SRSF6: variants seen among roughly 807,000 people sequenced by gnomAD.
The protein encoded by SRSF6 is serine/arginine-rich splicing factor 6.
Under a neutral mutation model 42.0 loss-of-function variants are expected in SRSF6, and 17 were observed. The ratio of observed to expected loss-of-function variants is 0.40; its 90% confidence interval spans 0.28 to 0.61. The LOEUF (loss-of-function observed/expected upper bound fraction) is 0.61. SRSF6 is among the 20% of genes least tolerant of loss of function. SRSF6 has a pLI of 0.37. For synonymous variants in SRSF6, 204 were observed against 166.7 expected, an observed-to-expected ratio of 1.22 and a Z score of -1.72; for missense variants, 379 against 471.4, an observed-to-expected ratio of 0.80 and a Z score of 1.81.
At chr20:43,458,653 C>CCCGGGGCAGCCATGGGACG in intron 2 of SRSF6, 144 bp downstream of exon 2, 1 of 862,482 alleles carries the variant, frequency 1.2e-6, no homozygotes, top group Non-Finnish European at 1.7e-6. Context: ...TTCACGTCTG[C>CCCGGGGCAGCCATGGGACG]CCGGGGCAGC....
In SRSF6 at chr20:43,461,099, C is replaced by T; in HGVS notation, c.*36C>T. On this transcript the variant is annotated 3_prime_UTR_variant, in exon 6 of 6. Coordinates refer to ENST00000244020, the MANE Select transcript of SRSF6 (RefSeq NM_006275.6). ...CTTGTTTGCACATTATTATGGAACA[C>T]TTTCCTACTTAGGCAGTTACTCTTC... 6.6e-7 allele frequency: 1 copy of T among 1,517,454 alleles called. No homozygotes were observed. The highest frequency in any genetic ancestry group is 8.8e-7 in the Non-Finnish European group (1 of 1,134,694). The allele number at this position is 1,517,454 out of a possible 1,614,324, so 94.0% of individuals were successfully genotyped here. A position where few individuals can be genotyped will look rare whatever the true frequency, so the allele number is the denominator to read the frequency against.
rs750599242 is a variant in SRSF6 at position 43,460,130 on chromosome 20, A to G, written c.479A>G (p.Lys160Arg). 1 of 1,614,236 alleles carries G rather than the reference A, an allele frequency of 6.2e-7. No individual in the cohort carries two copies. The highest frequency in any genetic ancestry group is 1.6e-4 in the Middle Eastern group (1 of 6,062). ...GAGTTTCGCTCCTACTCTGACATGA[A>G]GCGTGCTTTGGACAAACTGGATGGC... is the stretch of plus-strand genomic sequence containing the variant. ...VIEFRSYSDM[K>R]RALDKLDGTE... Residue 160 changes from lysine to arginine, a missense_variant, in exon 4 of 6, where the codon AAG (lysine) becomes AGG (arginine). Physicochemically the swap from Lys to Arg is conservative, Grantham distance 26. Transcript: ENST00000244020.
At chr20:43,460,484 GATTA>G in intron 4 of SRSF6, 27 bp from the exon 5 acceptor site, 1 of 1,608,358 alleles carries the variant, frequency 6.2e-7, no homozygotes, top group Non-Finnish European at 8.5e-7. Flanking sequence ...GTTGGATTGG[GATTA>G]AGACTTCATT....
Position 43,463,920 on chromosome 20 carries a change from G to T in SRSF6, c.*2857G>T, listed in dbSNP as rs911336202. On this transcript the variant is annotated 3_prime_UTR_variant, in exon 6 of 6. Transcript: ENST00000244020. ...ACAATTTTATTTACAAATATACATG[G>T]TTGGACCATACCTTGGAATCTACTT... 5.3e-5 allele frequency: 8 copies of T among 152,198 alleles called. No homozygotes were observed. Among genetic ancestry groups the T allele is most frequent in the Non-Finnish European group, 1.0e-4 (7 of 68,038 alleles). 9.4% of individuals were successfully genotyped at this position (152,198 alleles called of 1,614,324 possible). A position where few individuals can be genotyped will look rare whatever the true frequency, so the allele number is the denominator to read the frequency against.
In SRSF6 at chr20:43,461,887, G is replaced by C. The variant is rs1476025855; in HGVS notation, c.*824G>C. The C allele has an allele frequency of 6.6e-6, 1 of 152,214 alleles. No homozygotes were observed. The highest frequency in any genetic ancestry group is 1.5e-5 in the Non-Finnish European group (1 of 68,032). 9.4% of individuals were successfully genotyped at this position (152,214 alleles called of 1,614,324 possible). A position where few individuals can be genotyped will look rare whatever the true frequency, so the allele number is the denominator to read the frequency against. Reference sequence around the variant, plus strand: ...CTCCTAATACTTGGGATCTTGTTTAGAGAATCCACTTTCTGGAAGTTCTCA... The same window carrying C: ...CTCCTAATACTTGGGATCTTGTTTACAGAATCCACTTTCTGGAAGTTCTCA... On this transcript the variant is annotated 3_prime_UTR_variant, in exon 6 of 6. Transcript: ENST00000244020.
chr20:43,458,084 C>T lies in SRSF6; in HGVS notation c.51C>T (p.Asp17=), dbSNP rs114221795. The T allele has an allele frequency of 4.9e-3, 7,920 of 1,613,506 alleles. 317 individuals are homozygous for T. In the African/African-American group the frequency reaches 0.089, roughly 18 times the overall value. Reference sequence around the variant, plus strand: ...TGAGCTACAACGTCCGGGAGAAGGACATCCAGCGCTTTTTCAGTGGCTATG... The same window carrying T: ...TGAGCTACAACGTCCGGGAGAAGGATATCCAGCGCTTTTTCAGTGGCTATG... The part of the protein sequence containing the change: ...GRLSYNVREK[D]IQRFFSGYGR... The change falls in exon 1 of 6, where the codon GAC becomes GAT. Residue 17 remains aspartate, a synonymous_variant. Transcript: ENST00000244020.
chr20:43,459,795 G>A lies in SRSF6; in HGVS notation c.281G>A (p.Arg94Gln), dbSNP rs753897442. The change falls in exon 3 of 6, where the codon CGG becomes CAG. Residue 94 changes from arginine (R) to glutamine (Q), a missense_variant. Physicochemically the swap from Arg to Gln is conservative, Grantham distance 43 (BLOSUM62 1). Coordinates refer to ENST00000244020, the MANE Select transcript of SRSF6 (RefSeq NM_006275.6). The part of the protein sequence containing the change: ...SRSGGGGYSS[R>Q]RTSGRDKYGP... Reference sequence around the variant, plus strand: ...GGTGGTGGAGGTGGATACAGCAGTCGGAGAACATCTGGCAGAGACAAATAC... The same window carrying A: ...GGTGGTGGAGGTGGATACAGCAGTCAGAGAACATCTGGCAGAGACAAATAC... 9.9e-6 allele frequency: 16 copies of A among 1,613,314 alleles called. No individual in the cohort carries two copies. Among genetic ancestry groups the A allele is most frequent in the Non-Finnish European group, 1.3e-5 (15 of 1,180,028 alleles).
Position 43,461,686 on chromosome 20 carries a change from A to G in SRSF6, c.*623A>G, listed in dbSNP as rs921930403. 2.0e-5 allele frequency: 3 copies of G among 152,770 alleles called. No homozygotes were observed. The highest frequency in any genetic ancestry group is 7.2e-5 in the African/African-American group (3 of 41,578). 9.5% of individuals were successfully genotyped at this position (152,770 alleles called of 1,614,324 possible). A position where few individuals can be genotyped will look rare whatever the true frequency, so the allele number is the denominator to read the frequency against. The stretch of plus-strand genomic sequence containing the variant: ...ACCAGCAATAAATTACTCAGTTTGG[A>G]TAACATTATTTTGTGCAGTTAATCA... On this transcript the variant is annotated 3_prime_UTR_variant, in exon 6 of 6. Transcript: ENST00000244020.
Position 43,460,603 on chromosome 20 carries a change from ATAACG to A in SRSF6, c.674+7_674+11del, listed in dbSNP as rs2017569604. 6.2e-7 allele frequency: 1 copy of A among 1,614,072 alleles called. No individual in the cohort carries two copies. The highest frequency in any genetic ancestry group is 8.5e-7 in the Non-Finnish European group (1 of 1,180,036). On this transcript the variant is annotated splice_donor_region_variant and intron_variant, in intron 5 of 5. Transcript: ENST00000244020. The stretch of plus-strand genomic sequence containing the variant: ...TATCTCAAAAAGTCGCTCCCGGTAA[ATAACG>A]TTGTGTTGAGTCACTGTGAATATTA...
intron 2 of SRSF6, chr20:43,459,526 A>T: frequency 7.5e-7 from 1 of 1,333,468 alleles, no homozygotes; most frequent in Non-Finnish European, 9.8e-7. Flanking sequence ...AAACTTAGCG[A>T]GGTAAATCGA....
chr20:43,461,207 T>C lies in SRSF6; in HGVS notation c.*144T>C, dbSNP rs1028589214. 5 of 1,200,454 alleles carry C rather than the reference T, an allele frequency of 4.2e-6. No individual in the cohort carries two copies. The highest frequency in any genetic ancestry group is 5.5e-6 in the Non-Finnish European group (5 of 913,526). The allele number at this position is 1,200,454 out of a possible 1,614,324, so 74.4% of individuals were successfully genotyped here. On this transcript the variant is annotated 3_prime_UTR_variant, in exon 6 of 6. Transcript: ENST00000244020. ...AAATTTGATTTGTGGCCAAATTGGA[T>C]GAAAAAGATGAGGCTCTAAGGAAAT... is the stretch of plus-strand genomic sequence containing the variant.
At position 43,462,899 on chromosome 20, in the gene SRSF6, T is replaced by C. The variant is rs1568902997; in HGVS notation, c.*1836T>C. 6.5e-6 allele frequency: 1 copy of C among 152,722 alleles called. No individual in the cohort carries two copies. Among genetic ancestry groups the C allele is most frequent in the East Asian group, 1.9e-4 (1 of 5,192 alleles). 9.5% of individuals were successfully genotyped at this position (152,722 alleles called of 1,614,324 possible). A position where few individuals can be genotyped will look rare whatever the true frequency, so the allele number is the denominator to read the frequency against. On this transcript the variant is annotated 3_prime_UTR_variant, in exon 6 of 6. Coordinates refer to ENST00000244020, the MANE Select transcript of SRSF6 (RefSeq NM_006275.6). ...TTTAAGGAAAGAAAATGATGTCTGT[T>C]GTTATAGTTCATTGTTTTGCCTACT...
In SRSF6 at chr20:43,457,977, A is replaced by G; in HGVS notation, c.-57A>G. ...CCGTCCCCGCACCCGCACCGCGGTTACTGGCTTGCGGTCCGCCGTTCGACA... is the reference window on the plus strand; with the variant it reads ...CCGTCCCCGCACCCGCACCGCGGTTGCTGGCTTGCGGTCCGCCGTTCGACA... On this transcript the variant is annotated 5_prime_UTR_variant, in exon 1 of 6. Coordinates refer to ENST00000244020, the MANE Select transcript of SRSF6 (RefSeq NM_006275.6). 2 of 1,436,684 alleles carry G rather than the reference A, an allele frequency of 1.4e-6. No individual in the cohort carries two copies. Among genetic ancestry groups the G allele is most frequent in the East Asian group, 2.4e-5 (1 of 41,442 alleles). 89.0% of individuals were successfully genotyped at this position (1,436,684 alleles called of 1,614,324 possible). A position where few individuals can be genotyped will look rare whatever the true frequency, so the allele number is the denominator to read the frequency against.
rs1218431741 is a variant in SRSF6, at chr20:43,458,241, G to A, written c.107+101G>A. On this transcript the variant is annotated intron_variant, in intron 1 of 5. Coordinates refer to ENST00000244020, the MANE Select transcript of SRSF6 (RefSeq NM_006275.6). ...CCAAGGCCGCGGCGCCGCGTGGCAG[G>A]GCCTCAAAGATGGCGACGGCGCGGC... The A allele has an allele frequency of 2.1e-6, 3 of 1,432,812 alleles. No individual in the cohort carries two copies. The East Asian group carries it at 8.5e-5, about 40-fold the overall frequency. The allele number at this position is 1,432,812 out of a possible 1,614,324, so 88.8% of individuals were successfully genotyped here. A position where few individuals can be genotyped will look rare whatever the true frequency, so the allele number is the denominator to read the frequency against.
Position 43,460,859 on chromosome 20 carries a change from G to A in SRSF6, c.831G>A (p.Arg277=), listed in dbSNP as rs773087481. 3.7e-6 allele frequency: 6 copies of A among 1,613,976 alleles called. No homozygotes were observed. The African/African-American group carries it at 8.0e-5, about 22-fold the overall frequency. The change falls in exon 6 of 6, where the codon CGG becomes CGA. Residue 277 remains arginine (R), a synonymous_variant. Coordinates refer to ENST00000244020, the MANE Select transcript of SRSF6 (RefSeq NM_006275.6). ...DEYEKSRSRS[R]SRSPKENGKG... ...ATGAGAAATCTCGAAGCAGGTCTCG[G>A]TCCCGATCCCCTAAAGAAAATGGAA...
rs955117514 is a variant in SRSF6 at position 43,459,535 on chromosome 20, G to T, written c.257-236G>T. 1.4e-5 allele frequency: 19 copies of T among 1,312,944 alleles called. No individual in the cohort carries two copies. The African/African-American group carries it at 2.7e-4, about 19-fold the overall frequency. 81.3% of individuals were successfully genotyped at this position (1,312,944 alleles called of 1,614,324 possible). ...AAAATAAAACTTAGCGAGGTAAATCGAATAAAGGAGCAGTCACTCTCTAAC... is the reference window on the plus strand; with the variant it reads ...AAAATAAAACTTAGCGAGGTAAATCTAATAAAGGAGCAGTCACTCTCTAAC... On this transcript the variant is annotated intron_variant, in intron 2 of 5. Coordinates refer to ENST00000244020, the MANE Select transcript of SRSF6 (RefSeq NM_006275.6).
chr20:43,459,692 T>C, intron 2 of SRSF6, 79 bp from the exon 3 acceptor site: 3 of 1,598,054 alleles, frequency 1.9e-6, no homozygotes, highest in South Asian at 2.2e-5. Context: ...TAAAAGTTGA[T>C]ATGTTTGTAC....
At position 43,463,086 on chromosome 20, in the gene SRSF6, T is replaced by G. The variant is rs2017631624; in HGVS notation, c.*2023T>G. 1 of 152,482 alleles carries G rather than the reference T, an allele frequency of 6.6e-6. No individual in the cohort carries two copies. The allele number at this position is 152,482 out of a possible 1,614,324, so 9.4% of individuals were successfully genotyped here. ...CTAAAAGTATGAAACATCCTTCAAC[T>G]GGGCTCTCTTGTTAATAGGACATCA... is the stretch of plus-strand genomic sequence containing the variant. On this transcript the variant is annotated 3_prime_UTR_variant, in exon 6 of 6. Transcript: ENST00000244020.
In SRSF6 at chr20:43,461,345, T is replaced by TTTG. The variant is rs2017592710; in HGVS notation, c.*284_*285insGTT. On this transcript the variant is annotated 3_prime_UTR_variant, in exon 6 of 6. Coordinates refer to ENST00000244020, the MANE Select transcript of SRSF6 (RefSeq NM_006275.6). Reference sequence around the variant, plus strand: ...TAAGCTCATTTAGTGTTGTTTTTTTTTTTTTTTTTTTTTTTTTTTTTTTTT... The same window carrying TTTG: ...TAAGCTCATTTAGTGTTGTTTTTTTTTTGTTTTTTTTTTTTTTTTTTTTTTTTT... 4.9e-5 allele frequency: 2 copies of TTTG among 41,012 alleles called. No homozygotes were observed. Among genetic ancestry groups the TTTG allele is most frequent in the African/African-American group, 8.0e-5 (1 of 12,506 alleles). The allele number at this position is 41,012 out of a possible 1,614,324, so 2.5% of individuals were successfully genotyped here.
Sources: allele counts gnomAD v4.1 joint callset, GRCh38; gene constraint gnomAD v4.1.1; transcripts MANE v1.5; gene names NCBI Gene and HGNC (gene_info 2026-07-23, HGNC 2026-07-21).